The following FAM135B variants were observed in gnomAD, a reference collection of about 807,000 sequenced individuals.
FAM135B encodes the protein family with sequence similarity 135 member B.
A neutral mutation model predicts 127.7 loss-of-function variants in FAM135B; 43 were observed. That is an observed-to-expected ratio of 0.34 (90% confidence interval 0.26 to 0.43). The LOEUF is 0.43. Ranked by LOEUF, FAM135B falls within the 20% of genes least tolerant of loss-of-function variation. The pLI is 1.00. For missense variants in FAM135B, 1,558 were observed against 1,725.6 expected (o/e 0.90, Z 1.72); for synonymous variants, 670 against 665.1 (o/e 1.01, Z -0.11).
intron 9 of FAM135B, among the ~76,000 whole-genome samples, chr8:138,189,626 C>T (rs887671856): frequency 6.6e-6 from 1 of 152,118 alleles, no homozygotes; most frequent in Non-Finnish European, 1.5e-5. Flanking sequence ...TGGACTTTTG[C>T]CCCTCTGAGC....
At chr8:138,158,204 T>C (rs1309623510) in intron 12 of FAM135B, among the ~76,000 whole-genome samples, 1 of 152,168 alleles carries the variant, frequency 6.6e-6, no homozygotes, top group Non-Finnish European at 1.5e-5. Flanking sequence ...GGGTAAAGGA[T>C]TCCCTTTTTA....
At chr8:138,160,555 A>AT (rs61562037) in intron 12 of FAM135B, among the ~76,000 whole-genome samples, 68,236 of 142,278 alleles carry the variant, frequency 0.48, 16,496 homozygotes, top group East Asian at 0.52. Context: ...TGCCCAGCTC[A>AT]TTTTTTTTTT....
chr8:138,360,834 G>A (rs930579399), intron 2 of FAM135B, among the ~76,000 whole-genome samples: 4 of 152,084 alleles, frequency 2.6e-5, no homozygotes, highest in Non-Finnish European at 5.9e-5. Context: ...GAGTCACCCA[G>A]GGAACATATT....
chr8:138,240,629 A>G (rs974865302), intron 7 of FAM135B, among the ~76,000 whole-genome samples: 2 of 152,140 alleles, frequency 1.3e-5, no homozygotes, highest in African/African-American at 2.4e-5. Flanking sequence ...GTTGGTTTCT[A>G]TTCCCAGCCA....
chr8:138,310,017 C>T (rs751719752), intron 3 of FAM135B, among the ~76,000 whole-genome samples: 21 of 151,932 alleles, frequency 1.4e-4, no homozygotes, highest in East Asian at 3.9e-4. Context: ...TGCAGGCGCC[C>T]GCCACCATGC....
intron 4 of FAM135B, among the ~76,000 whole-genome samples, chr8:138,257,895 AAT>A (rs1306117992): frequency 1.4e-5 from 2 of 139,546 alleles, no homozygotes; most frequent in East Asian, 2.1e-4. Flanking sequence ...TAAAAAAAAA[AAT>A]AAAACAAAAC....
At chr8:138,354,252 C>A (rs187196499) in intron 2 of FAM135B, among the ~76,000 whole-genome samples, 1 of 152,220 alleles carries the variant, frequency 6.6e-6, no homozygotes. Context: ...AGGGGACACA[C>A]ACACCCTTCA....
intron 1 of FAM135B, among the ~76,000 whole-genome samples, chr8:138,417,279 C>G (rs1178661331): frequency 6.6e-6 from 1 of 152,188 alleles, no homozygotes; most frequent in African/African-American, 2.4e-5. Context: ...CTAGTTGCAA[C>G]ACAGCCTCAG....
At chr8:138,278,977 A>T (rs1364146559) in intron 3 of FAM135B, among the ~76,000 whole-genome samples, 5 of 152,008 alleles carry the variant, frequency 3.3e-5, no homozygotes, top group Non-Finnish European at 7.4e-5. Context: ...GCTCATAGTG[A>T]TTTCCACCAT....
Position 138,136,813 on chromosome 8 carries a change from C to T in FAM135B, c.4015+334G>A, listed in dbSNP as rs73414745. Among the ~76,000 whole-genome samples, 1,180 of 152,284 alleles carry T rather than the reference C, an allele frequency of 7.7e-3. 12 individuals carry two copies. The highest frequency in any genetic ancestry group is 0.026 in the African/African-American group (1,096 of 41,550). ...GACTTATCACATTTTACTCTCATTG[C>T]TATTACTTGTCGAGGCTCCAACTAG... On this transcript the variant is annotated intron_variant, in intron 19 of 19. Transcript: ENST00000395297.
intron 3 of FAM135B, among the ~76,000 whole-genome samples, chr8:138,296,491 A>G (rs1825492100): frequency 6.6e-6 from 1 of 152,214 alleles, no homozygotes; most frequent in Non-Finnish European, 1.5e-5. Flanking sequence ...TCTAATCTGT[A>G]AAGCAGACAA....
intron 3 of FAM135B, among the ~76,000 whole-genome samples, chr8:138,266,779 C>T (rs1353583086): frequency 4.0e-3 from 19 of 4,708 alleles, no homozygotes; most frequent in Non-Finnish European, 0.017. Context: ...CATATATATA[C>T]ACACACACAC....
chr8:138,196,599 C>T (rs982977140), intron 8 of FAM135B, among the ~76,000 whole-genome samples: 11 of 152,192 alleles, frequency 7.2e-5, no homozygotes, highest in African/African-American at 2.4e-4. Context: ...TTGACCCAGT[C>T]AAAACCACAG....
At chr8:138,406,599 T>C (rs1176485727) in intron 1 of FAM135B, among the ~76,000 whole-genome samples, 2 of 152,064 alleles carry the variant, frequency 1.3e-5, no homozygotes, top group African/African-American at 2.4e-5. Flanking sequence ...GCAAGGCTGG[T>C]TCAATACATG....
intron 2 of FAM135B, among the ~76,000 whole-genome samples, chr8:138,350,132 G>C (rs1829678384): frequency 6.6e-6 from 1 of 152,134 alleles, no homozygotes; most frequent in Admixed American, 6.5e-5. Context: ...CCAAATCCCA[G>C]TCCCCAAGCA....
chr8:138,495,735 C>CT (rs1291905020), intron 1 of FAM135B, among the ~76,000 whole-genome samples: 26 of 152,324 alleles, frequency 1.7e-4, no homozygotes, highest in African/African-American at 6.0e-4. Flanking sequence ...TCTCTCCAGC[C>CT]TGCAGATGTA....
chr8:138,195,433 G>T (rs1440104916), intron 8 of FAM135B, 126 bp from the exon 9 acceptor site: 7 of 848,548 alleles, frequency 8.2e-6, no homozygotes, highest in South Asian at 1.5e-5. Context: ...CATTGCTGAG[G>T]ACCTTCTACC....
At chr8:138,386,717 T>C (rs1244220156) in intron 1 of FAM135B, among the ~76,000 whole-genome samples, 3 of 152,252 alleles carry the variant, frequency 2.0e-5, no homozygotes, top group Non-Finnish European at 4.4e-5. Flanking sequence ...AATCTTCCTT[T>C]ATCAATATCT....
chr8:138,274,161 C>G (rs961315735), intron 3 of FAM135B, among the ~76,000 whole-genome samples: 4 of 152,166 alleles, frequency 2.6e-5, no homozygotes, highest in African/African-American at 9.7e-5. Context: ...ATCCAATCAT[C>G]GGCACATTAT....
Sources: allele counts gnomAD v4.1 joint callset (sites outside exome capture counted in the v4.1 genomes callset), GRCh38; gene constraint gnomAD v4.1.1; transcripts MANE v1.5; gene names NCBI Gene and HGNC (gene_info 2026-07-23, HGNC 2026-07-21).